The following RAD18 variants were observed in gnomAD, a reference collection of about 807,000 sequenced individuals.
RAD18 encodes the protein RAD18 E3 ubiquitin protein ligase.
Under a neutral mutation model 60.4 loss-of-function variants are expected in RAD18, and 47 were observed. The ratio of observed to expected loss-of-function variants is 0.78; its 90% CI spans 0.62 to 0.99. RAD18 has a LOEUF of 0.99. Ranked by LOEUF, RAD18 falls within the 50% of genes least tolerant of loss-of-function variation. The pLI, the probability that RAD18 is intolerant of heterozygous loss-of-function variation, is 0.00. For synonymous variants in RAD18, 225 were observed against 195.5 expected (o/e 1.15, Z -1.26); for missense variants, 640 against 593.3 (o/e 1.08, Z -0.82).
chr3:8,930,650 T>C (rs1940537824), intron 7 of RAD18, among the ~76,000 whole-genome samples: 1 of 152,144 alleles, frequency 6.6e-6, no homozygotes, highest in Admixed American at 6.5e-5. Flanking sequence ...TCAATAGATG[T>C]AGAATAAGGA....
In RAD18 at chr3:8,894,759, CTT is replaced by C. The variant is rs71625397; in HGVS notation, c.1322+4133_1322+4134del. On this transcript the variant is annotated intron_variant, in intron 11 of 12. Coordinates refer to ENST00000264926, the MANE Select transcript of RAD18 (RefSeq NM_020165.4). ...TCATGCACCACACCCAGTTTAAGCGCTTTTTTTTTTTTTTTTTTTGAGATGGA... is the reference window on the plus strand; with the variant it reads ...TCATGCACCACACCCAGTTTAAGCGCTTTTTTTTTTTTTTTTTGAGATGGA... 4.6e-4 allele frequency among the ~76,000 whole-genome samples: 56 copies of C among 120,746 alleles called. No individual in the cohort carries two copies. The East Asian group carries it at 9.4e-3, about 20-fold the overall frequency. 79.2% of individuals were successfully genotyped at this position (120,746 alleles called of 152,430 possible).
intron 7 of RAD18, among the ~76,000 whole-genome samples, chr3:8,918,060 G>C (rs533933065): frequency 6.6e-6 from 1 of 152,282 alleles, no homozygotes; most frequent in Non-Finnish European, 1.5e-5. Context: ...GGTCATGCCT[G>C]TAATCCCAGC....
chr3:8,919,803 A>G (rs562080655), intron 7 of RAD18, among the ~76,000 whole-genome samples: 1 of 151,932 alleles, frequency 6.6e-6, no homozygotes, highest in East Asian at 1.9e-4. Flanking sequence ...AAAAGTCTGC[A>G]ATATCTTGTT....
chr3:8,935,974 CTCTTTTAGCTTTTTCTTTAAATCACGA>C lies in RAD18; in HGVS notation c.759_785del (p.Asp253_Lys261del). On this transcript the variant is annotated inframe_deletion, in exon 7 of 13. Coordinates refer to ENST00000264926, the MANE Select transcript of RAD18 (RefSeq NM_020165.4). The stretch of plus-strand genomic sequence containing the variant: ...TATTTCCTTGAATAGATAATCCATG[CTCTTTTAGCTTTTTCTTTAAATCACGA>C]TCAGAGAGCAAATTATATACAGTTT... The C allele has an allele frequency of 6.2e-7, 1 of 1,610,328 alleles. No individual in the cohort carries two copies. The highest frequency in any genetic ancestry group is 8.5e-7 in the Non-Finnish European group (1 of 1,177,480).
chr3:8,947,969 G>A (rs45605434), intron 3 of RAD18, among the ~76,000 whole-genome samples: 3,504 of 152,264 alleles, frequency 0.023, 56 homozygotes, highest in Non-Finnish European at 0.032. Context: ...GACCTCACTT[G>A]TCTCTTCTTT....
chr3:8,936,027 T>A lies in RAD18; in HGVS notation c.733A>T (p.Lys245Ter), dbSNP rs1207665483. 1 of 1,598,808 alleles carries A rather than the reference T, an allele frequency of 6.3e-7. No homozygotes were observed. The highest frequency in any genetic ancestry group is 8.5e-7 in the Non-Finnish European group (1 of 1,174,328). ...TCAGAGAGCAAATTATATACAGTTT[T>A]GGGCAGCGGCTTCCTTTTGTGAACA... ...SSVHKRKPLP[K>*]TVYNLLSDRD... The change falls in exon 7 of 13, where the codon AAA becomes TAA. Residue 245 changes from lysine (K) to a stop codon, truncating the protein, a stop_gained. Transcript: ENST00000264926. LOFTEE classifies it high-confidence loss of function.
intron 6 of RAD18, 80 bp downstream of exon 6, chr3:8,939,474 G>A: frequency 8.5e-7 from 1 of 1,177,242 alleles, no homozygotes; most frequent in South Asian, 1.4e-5. Context: ...CAGGATAAAA[G>A]GAATACTGTA....
chr3:8,939,033 G>T lies in RAD18; in HGVS notation c.704+521C>A, dbSNP rs74657287. ...TATTAGCTACAATACCTGGAGGATG[G>T]GGGGGTGGTGTGGGGTATGACATTA... On this transcript the variant is annotated intron_variant, in intron 6 of 12. Transcript: ENST00000264926. Among the ~76,000 whole-genome samples, 1,215 of 152,080 alleles carry T rather than the reference G, an allele frequency of 8.0e-3. 17 individuals carry two copies. Among genetic ancestry groups the T allele is most frequent in the African/African-American group, 0.026 (1,067 of 41,466 alleles).
chr3:8,921,042 G>C (rs1940310357), intron 7 of RAD18, among the ~76,000 whole-genome samples: 1 of 152,120 alleles, frequency 6.6e-6, no homozygotes, highest in Non-Finnish European at 1.5e-5. Flanking sequence ...ACATATTTAG[G>C]GGTAAAGGGT....
chr3:8,922,299 C>A (rs187160788), intron 7 of RAD18, among the ~76,000 whole-genome samples: 294 of 152,354 alleles, frequency 1.9e-3, no homozygotes, highest in Middle Eastern at 6.8e-3. Flanking sequence ...TATCCCGTGC[C>A]TGGCTCGGAG....
At chr3:8,927,762 G>C (rs1021204066) in intron 7 of RAD18, among the ~76,000 whole-genome samples, 3 of 152,268 alleles carry the variant, frequency 2.0e-5, no homozygotes, top group Admixed American at 2.0e-4. Flanking sequence ...CCTTTGTAGG[G>C]ACATGGATGA....
chr3:8,897,543 T>C (rs1939810556), intron 11 of RAD18, among the ~76,000 whole-genome samples: 2 of 152,152 alleles, frequency 1.3e-5, no homozygotes, highest in Non-Finnish European at 2.9e-5. Flanking sequence ...GATAAATAAA[T>C]ACCACATAGT....
At chr3:8,920,397 A>C (rs1417261381) in intron 7 of RAD18, among the ~76,000 whole-genome samples, 1 of 152,248 alleles carries the variant, frequency 6.6e-6, no homozygotes, top group Non-Finnish European at 1.5e-5. Flanking sequence ...AAAGTTGAAA[A>C]ATCATCATTT....
chr3:8,915,958 G>A (rs1477021032), intron 7 of RAD18, among the ~76,000 whole-genome samples: 2 of 152,110 alleles, frequency 1.3e-5, no homozygotes, highest in Non-Finnish European at 2.9e-5. Context: ...CTGGGGAAGG[G>A]CAGCAAATTA....
intron 4 of RAD18, among the ~76,000 whole-genome samples, chr3:8,945,918 A>C (rs1228158700): frequency 6.6e-6 from 1 of 152,252 alleles, no homozygotes; most frequent in Non-Finnish European, 1.5e-5. Context: ...GTTATTACAA[A>C]AGAGTCAAAA....
At chr3:8,914,877 G>A (rs1422475180) in intron 7 of RAD18, among the ~76,000 whole-genome samples, 3 of 152,108 alleles carry the variant, frequency 2.0e-5, no homozygotes, top group Admixed American at 6.6e-5. Flanking sequence ...AGTGGCTCAC[G>A]CCTCTAATCC....
chr3:8,962,911 G>A (rs1941113960), intron 1 of RAD18, among the ~76,000 whole-genome samples: 2 of 152,270 alleles, frequency 1.3e-5, no homozygotes, highest in South Asian at 2.1e-4. Context: ...AGCCTGTAAA[G>A]GAGACTACCT....
At chr3:8,948,820 G>C (rs1031180576) in intron 2 of RAD18, among the ~76,000 whole-genome samples, 11 of 152,170 alleles carry the variant, frequency 7.2e-5, no homozygotes, top group Non-Finnish European at 1.3e-4. Context: ...ACATCACTCT[G>C]TGTCCTCCAT....
chr3:8,926,931 T>C (rs1394625327), intron 7 of RAD18, among the ~76,000 whole-genome samples: 3 of 152,128 alleles, frequency 2.0e-5, no homozygotes, highest in African/African-American at 7.2e-5. Context: ...AAGACTTAAA[T>C]GTTAGACCTA....
Sources: allele counts gnomAD v4.1 joint callset (sites outside exome capture counted in the v4.1 genomes callset), GRCh38; gene constraint gnomAD v4.1.1; transcripts MANE v1.5; gene names NCBI Gene and HGNC (gene_info 2026-07-23, HGNC 2026-07-21).